Variants in YJU2B observed in about 807,000 individuals in gnomAD.
YJU2B encodes the protein YJU2 splicing factor homolog B, also known as probable splicing factor YJU2B.
In YJU2B, 18 loss-of-function variants were observed where a neutral mutation model predicts 38.0. The observed-to-expected ratio is 0.47, with a 90% confidence interval of 0.33 to 0.70. The LOEUF is 0.70. YJU2B is among the 30% of genes least tolerant of loss of function. The probability of loss-of-function intolerance (pLI) is 0.02; values close to 1 mark genes in which losing one functional copy is unlikely to be tolerated. For synonymous variants in YJU2B, 246 were observed against 225.4 expected (o/e 1.09, Z -0.82); for missense variants, 538 against 556.3 (o/e 0.97, Z 0.33).
intron 4 of YJU2B, among the ~76,000 whole-genome samples, chr19:13,756,907 C>A (rs543251903): frequency 6.7e-6 from 1 of 149,476 alleles, no homozygotes; most frequent in South Asian, 2.1e-4. Context: ...AACTAGGGAG[C>A]TGGAGGTTGC....
rs1187418711 is a variant in YJU2B at position 13,747,932 on chromosome 19, G to A, written c.-224G>A. ...GCGCGCACTTCCGGGCACGGTCAGG[G>A]CGTGACGTCGGGAGGAGGGCAGGTA... is the stretch of plus-strand genomic sequence containing the variant. On this transcript the variant is annotated 5_prime_UTR_variant, in exon 1 of 10. Transcript: ENST00000221554. 2 of 152,282 alleles carry A rather than the reference G, an allele frequency of 1.3e-5. No individual in the cohort carries two copies. The highest frequency in any genetic ancestry group is 2.9e-5 in the Non-Finnish European group (2 of 68,056). The allele number at this position is 152,282 out of a possible 1,614,324, so 9.4% of individuals were successfully genotyped here.
At chr19:13,762,478 A>G in intron 9 of YJU2B, 41 bp downstream of exon 9, 1 of 1,601,000 alleles carries the variant, frequency 6.2e-7, no homozygotes. Flanking sequence ...AGGGAGGCTC[A>G]GAGTTGCCTG....
At chr19:13,734,046 G>A (rs148076114) in intron 2 of YJU2B, among the ~76,000 whole-genome samples, 1 of 151,996 alleles carries the variant, frequency 6.6e-6, no homozygotes, top group East Asian at 1.9e-4. Flanking sequence ...TCCCACTTCA[G>A]CCTCCCTAGT....
chr19:13,752,669 G>A (rs1179244335), intron 2 of YJU2B, among the ~76,000 whole-genome samples: 5 of 152,124 alleles, frequency 3.3e-5, no homozygotes, highest in Non-Finnish European at 5.9e-5. Flanking sequence ...GCTTGAACCC[G>A]GGAGGTGGAG....
At chr19:13,757,339 G>T (rs945942912) in intron 4 of YJU2B, 79 bp from the exon 5 acceptor site, 8 of 1,218,126 alleles carry the variant, frequency 6.6e-6, no homozygotes, top group African/African-American at 4.4e-5. Context: ...AATCACAACC[G>T]CGGCCAGAGT....
Position 13,756,175 on chromosome 19 carries a change from G to T in YJU2B, c.58-22G>T, listed in dbSNP as rs556612873. 33 of 1,604,374 alleles carry T rather than the reference G, an allele frequency of 2.1e-5. No homozygotes were observed. In the East Asian group the frequency reaches 6.2e-4, roughly 30 times the overall value. The stretch of plus-strand genomic sequence containing the variant: ...TCCTCCAGCTCAGCAGCACTAATCC[G>T]CTCCTCATCCTCTCCACACAGCATG... On this transcript the variant is annotated intron_variant, in intron 3 of 9. Transcript: ENST00000221554.
chr19:13,742,547 G>A (rs1319324523), intron 2 of YJU2B, among the ~76,000 whole-genome samples: 1 of 152,108 alleles, frequency 6.6e-6, no homozygotes, highest in Admixed American at 6.6e-5. Context: ...ACTTCAGAAC[G>A]TGAAAGGGAA....
chr19:13,762,532 AG>A (rs1229968462), intron 9 of YJU2B, 57 bp from the exon 10 acceptor site: 1 of 1,553,636 alleles, frequency 6.4e-7, no homozygotes, highest in East Asian at 2.2e-5. Flanking sequence ...GGTCTACCAG[AG>A]GGCAGTTCTG....
At chr19:13,756,899 C>T (rs1306120350) in intron 4 of YJU2B, among the ~76,000 whole-genome samples, 1 of 150,640 alleles carries the variant, frequency 6.6e-6, no homozygotes, top group Admixed American at 6.7e-5. Flanking sequence ...ATCACTTGAA[C>T]TAGGGAGCTG....
intron 1 of YJU2B, among the ~76,000 whole-genome samples, chr19:13,750,217 G>A (rs1001188503): frequency 2.0e-5 from 3 of 152,068 alleles, no homozygotes; most frequent in Admixed American, 2.0e-4. Context: ...GGTTAGATGA[G>A]TTCATTGGTT....
intron 2 of YJU2B, among the ~76,000 whole-genome samples, chr19:13,739,464 T>C (rs1024128010): frequency 6.1e-5 from 6 of 98,646 alleles, no homozygotes; most frequent in African/African-American, 2.2e-4. Context: ...AATTCTTTAT[T>C]CCTTCAACTC....
In YJU2B at chr19:13,759,213, G is replaced by A. The variant is rs867627196; in HGVS notation, c.514G>A (p.Ala172Thr). 5.0e-6 allele frequency: 8 copies of A among 1,613,342 alleles called. 1 individual carries two copies. Among genetic ancestry groups the A allele is most frequent in the Middle Eastern group, 3.3e-4 (2 of 6,080 alleles). ...GCCCACACTGAGCCACATCCAGGAGGCCCAGAGCGCCTGGAAGGACGACTT... is the reference window on the plus strand; with the variant it reads ...GCCCACACTGAGCCACATCCAGGAGACCCAGAGCGCCTGGAAGGACGACTT... ...ALPTLSHIQE[A>T]QSAWKDDFAL... Residue 172 changes from alanine (A) to threonine (T), a missense_variant, in exon 8 of 10, where the codon GCC (alanine) becomes ACC (threonine). Transcript: ENST00000221554.
chr19:13,763,026 C>T lies in YJU2B; in HGVS notation c.1149C>T (p.Gly383=). 6 of 1,584,872 alleles carry T rather than the reference C, an allele frequency of 3.8e-6. No individual in the cohort carries two copies. The highest frequency in any genetic ancestry group is 5.1e-6 in the Non-Finnish European group (6 of 1,165,138). The change falls in exon 10 of 10, where the codon GGC becomes GGT. Residue 383 remains glycine (G), a synonymous_variant. Coordinates refer to ENST00000221554, the MANE Select transcript of YJU2B (RefSeq NM_030818.4). ...TPDTRHPCSL[G]SSLVADYSDS... ...ACACGCGGCACCCCTGCAGTCTCGGCTCCTCCCTCGTGGCGGACTACTCCG... is the reference window on the plus strand; with the variant it reads ...ACACGCGGCACCCCTGCAGTCTCGGTTCCTCCCTCGTGGCGGACTACTCCG...
Position 13,763,222 on chromosome 19 carries a change from T to G in YJU2B, c.*154T>G, listed in dbSNP as rs745784606. On this transcript the variant is annotated 3_prime_UTR_variant, in exon 10 of 10. Coordinates refer to ENST00000221554, the MANE Select transcript of YJU2B (RefSeq NM_030818.4). ...CCGCGCCTTCCTGCAACCGTGGAGT[T>G]ATTTATTTGGTCCTGGTGAGGGTGT... The G allele has an allele frequency of 7.1e-5, 42 of 593,846 alleles. No homozygotes were observed. Among genetic ancestry groups the G allele is most frequent in the Non-Finnish European group, 1.1e-4 (38 of 344,956 alleles). 36.8% of individuals were successfully genotyped at this position (593,846 alleles called of 1,614,324 possible).
Position 13,763,085 on chromosome 19 carries a change from A to G in YJU2B, c.*17A>G, listed in dbSNP as rs1477052973. 4 of 1,527,824 alleles carry G rather than the reference A, an allele frequency of 2.6e-6. No homozygotes were observed. Among genetic ancestry groups the G allele is most frequent in the Non-Finnish European group, 3.5e-6 (4 of 1,136,542 alleles). 94.6% of individuals were successfully genotyped at this position (1,527,824 alleles called of 1,614,324 possible). A position where few individuals can be genotyped will look rare whatever the true frequency, so the allele number is the denominator to read the frequency against. On this transcript the variant is annotated 3_prime_UTR_variant, in exon 10 of 10. Transcript: ENST00000221554. ...AGTGAGTGAGCGATCCCCATCCTGG[A>G]GACTGGACCCGCTCTAGAGGCCCGG...
In YJU2B at chr19:13,751,768, T is replaced by C. The variant is rs780065532; in HGVS notation, c.-41T>C. ...GTGTGTTCACAAGGCCAGTTTCTGA[T>C]CGTCCGCCCCGAGGCTGAGGACCAG... On this transcript the variant is annotated 5_prime_UTR_variant, in exon 2 of 10. Coordinates refer to ENST00000221554, the MANE Select transcript of YJU2B (RefSeq NM_030818.4). The C allele has an allele frequency of 6.2e-7, 1 of 1,613,582 alleles. No homozygotes were observed. The highest frequency in any genetic ancestry group is 1.1e-5 in the South Asian group (1 of 91,074).
chr19:13,755,393 G>A (rs1378287218), intron 3 of YJU2B, among the ~76,000 whole-genome samples: 3 of 150,706 alleles, frequency 2.0e-5, no homozygotes, highest in East Asian at 2.0e-4. Flanking sequence ...CCCGGAAGGC[G>A]GAGGTTGCAG....
At chr19:13,736,848 A>G (rs1277171593) in intron 2 of YJU2B, among the ~76,000 whole-genome samples, 1 of 151,776 alleles carries the variant, frequency 6.6e-6, no homozygotes, top group African/African-American at 2.4e-5. Flanking sequence ...CCTGGCCAAC[A>G]TGGCGAAATC....
intron 8 of YJU2B, chr19:13,761,474 C>T (rs149609323): frequency 3.3e-5 from 5 of 152,688 alleles, no homozygotes; most frequent in African/African-American, 4.8e-5. Context: ...TTCTCCTTAT[C>T]ACTGTCTCAC....
Sources: allele counts gnomAD v4.1 joint callset (sites outside exome capture counted in the v4.1 genomes callset), GRCh38; gene constraint gnomAD v4.1.1; transcripts MANE v1.5; gene names NCBI Gene and HGNC (gene_info 2026-07-23, HGNC 2026-07-21).